The following CDH13 variants were observed in gnomAD, a reference collection of about 807,000 sequenced individuals.
CDH13 encodes the protein cadherin 13, also known as cadherin-13.
In CDH13, 24 loss-of-function variants were observed where a neutral mutation model predicts 63.8. That is an observed-to-expected ratio of 0.38 (90% CI 0.27 to 0.53). The LOEUF (loss-of-function observed/expected upper bound fraction) is 0.53, where lower values mean the gene tolerates loss of function less well. CDH13 is among the 20% of genes least tolerant of loss of function. The pLI, the probability that CDH13 is intolerant of heterozygous loss-of-function variation, is 0.85. For synonymous variants in CDH13, 503 were observed against 355.3 expected (o/e 1.42, Z -4.67); for missense variants, 1,049 against 903.1 (o/e 1.16, Z -2.07).
chr16:82,950,200 T>G (rs896969925), intron 2 of CDH13, among the ~76,000 whole-genome samples: 1 of 152,162 alleles, frequency 6.6e-6, no homozygotes. Context: ...CATGCCTCTC[T>G]CAGCTTCTGG....
At chr16:83,457,811 CAT>C (rs1011207441) in intron 6 of CDH13, among the ~76,000 whole-genome samples, 47 of 152,326 alleles carry the variant, frequency 3.1e-4, no homozygotes, top group African/African-American at 8.7e-4. Flanking sequence ...TGAAAACACA[CAT>C]GTTAGGAAAG....
chr16:82,987,884 G>A (rs935651108), intron 2 of CDH13, among the ~76,000 whole-genome samples: 2 of 152,190 alleles, frequency 1.3e-5, no homozygotes, highest in Non-Finnish European at 2.9e-5. Flanking sequence ...ATTTGGAAAG[G>A]TAACCTGGAT....
In CDH13 at chr16:83,489,116, TC is replaced by T. The variant is rs1197797307; in HGVS notation, c.960+2462del. On this transcript the variant is annotated intron_variant, in intron 7 of 13. Coordinates refer to ENST00000567109, the MANE Select transcript of CDH13 (RefSeq NM_001257.5). ...AAGAAAAAGATGAAGCATGGTGATT[TC>T]TCCGTTTCAGCTTCTCTTTGTTCTG... Among the ~76,000 whole-genome samples, 5 of 152,200 alleles carry T rather than the reference TC, an allele frequency of 3.3e-5. No homozygotes were observed. The East Asian group carries it at 9.6e-4, about 29-fold the overall frequency.
intron 5 of CDH13, among the ~76,000 whole-genome samples, chr16:83,285,053 A>G (rs2089274695): frequency 1.3e-5 from 2 of 152,020 alleles, no homozygotes; most frequent in African/African-American, 4.8e-5. Flanking sequence ...TCTCACTCAT[A>G]ATTTCTTTCT....
intron 1 of CDH13, among the ~76,000 whole-genome samples, chr16:82,810,887 G>T (rs967554681): frequency 6.6e-6 from 1 of 152,072 alleles, no homozygotes; most frequent in Non-Finnish European, 1.5e-5. Context: ...GGGGGAAATG[G>T]GGGGAGGTAT....
intron 7 of CDH13, among the ~76,000 whole-genome samples, chr16:83,522,499 G>A (rs559379247): frequency 6.6e-6 from 1 of 152,290 alleles, no homozygotes; most frequent in Non-Finnish European, 1.5e-5. Context: ...CAGACTTGAA[G>A]CTGGTAATAC....
At chr16:83,213,835 C>G (rs1194960372) in intron 4 of CDH13, among the ~76,000 whole-genome samples, 1 of 152,140 alleles carries the variant, frequency 6.6e-6, no homozygotes, top group African/African-American at 2.4e-5. Flanking sequence ...AATCAGCACT[C>G]TGTAGCTAGG....
intron 8 of CDH13, among the ~76,000 whole-genome samples, chr16:83,668,979 C>T (rs1212291518): frequency 6.6e-6 from 1 of 152,190 alleles, no homozygotes; most frequent in East Asian, 1.9e-4. Flanking sequence ...CACCTGCCTG[C>T]CGTCCTTAGA....
At chr16:83,529,933 C>A (rs1312941617) in intron 7 of CDH13, among the ~76,000 whole-genome samples, 1 of 152,120 alleles carries the variant, frequency 6.6e-6, no homozygotes, top group Admixed American at 6.5e-5. Context: ...TTAGAAACTA[C>A]AGTCCTAGTT....
chr16:82,704,067 AG>A (rs1373400311), intron 1 of CDH13, among the ~76,000 whole-genome samples: 15 of 152,186 alleles, frequency 9.9e-5, no homozygotes, highest in African/African-American at 3.4e-4. Flanking sequence ...ACACTGCCAC[AG>A]CTGAAAAAGC....
chr16:83,784,423 G>A (rs1915740838), intron 13 of CDH13, among the ~76,000 whole-genome samples: 1 of 152,096 alleles, frequency 6.6e-6, no homozygotes, highest in African/African-American at 2.4e-5. Context: ...TCTGAGATCA[G>A]GAGTTCAAGA....
chr16:83,108,495 C>G (rs1425968102), intron 3 of CDH13, among the ~76,000 whole-genome samples: 2 of 152,192 alleles, frequency 1.3e-5, no homozygotes, highest in East Asian at 3.9e-4. Context: ...TAGATTGAAT[C>G]CCAGGTTACC....
chr16:83,777,328 T>A (rs965317639), intron 11 of CDH13, among the ~76,000 whole-genome samples: 5 of 152,336 alleles, frequency 3.3e-5, no homozygotes, highest in African/African-American at 1.2e-4. Flanking sequence ...CCATCCTCAG[T>A]GCCCTCAGCT....
intron 10 of CDH13, among the ~76,000 whole-genome samples, chr16:83,698,381 CT>C (rs1199611560): frequency 6.6e-6 from 1 of 152,220 alleles, no homozygotes; most frequent in Non-Finnish European, 1.5e-5. Flanking sequence ...CAAGAAACTG[CT>C]TCTGTTTCTT....
chr16:83,001,591 A>G lies in CDH13; in HGVS notation c.158-30419A>G, dbSNP rs1392620982. Among the ~76,000 whole-genome samples the G allele has an allele frequency of 2.0e-5, 3 of 152,366 alleles. No individual in the cohort carries two copies. The South Asian group carries it at 6.2e-4, about 32-fold the overall frequency. On this transcript the variant is annotated intron_variant, in intron 2 of 13. Transcript: ENST00000567109. ...TGACTGGGAGGTATTTATGTAAATC[A>G]GTAGAGTTCTAAGGAGTTATCTGGC...
At chr16:83,213,175 T>C (rs762719042) in intron 4 of CDH13, among the ~76,000 whole-genome samples, 9 of 152,098 alleles carry the variant, frequency 5.9e-5, no homozygotes, top group Admixed American at 1.3e-4. Context: ...ATAAGTAATT[T>C]CAATTCAGCA....
chr16:82,943,687 C>A (rs1340949827), intron 2 of CDH13, among the ~76,000 whole-genome samples: 2 of 152,164 alleles, frequency 1.3e-5, no homozygotes, highest in East Asian at 3.9e-4. Flanking sequence ...CTTTGGAGAA[C>A]AAAGAAATAT....
intron 2 of CDH13, among the ~76,000 whole-genome samples, chr16:82,945,802 T>C (rs1478528219): frequency 2.0e-5 from 3 of 152,164 alleles, no homozygotes; most frequent in Non-Finnish European, 4.4e-5. Flanking sequence ...ATATTTCCTG[T>C]GATTTAGGCA....
chr16:83,048,819 C>T (rs1473016367), intron 3 of CDH13, among the ~76,000 whole-genome samples: 3 of 152,146 alleles, frequency 2.0e-5, no homozygotes, highest in Non-Finnish European at 2.9e-5. Context: ...AGCCTCCAAA[C>T]GTGGTCAAAT....
Sources: allele counts gnomAD v4.1 joint callset (sites outside exome capture counted in the v4.1 genomes callset), GRCh38; gene constraint gnomAD v4.1.1; transcripts MANE v1.5; gene names NCBI Gene and HGNC (gene_info 2026-07-23, HGNC 2026-07-21).